The following CCDC191 variants were observed in gnomAD, a reference collection of about 807,000 sequenced individuals.
The protein encoded by CCDC191 is coiled-coil domain-containing protein 191.
In CCDC191, 99 loss-of-function variants were observed where a neutral mutation model predicts 114.0. That is an observed-to-expected ratio of 0.87 (90% CI 0.74 to 1.03). CCDC191 has a LOEUF of 1.03. Among genes scored for constraint, CCDC191 ranks in the 50% least tolerant of loss-of-function variants. CCDC191 has a pLI of 0.00. For synonymous variants in CCDC191, 351 were observed against 376.0 expected (o/e 0.93, Z 0.77); for missense variants, 973 against 1,087.0 (o/e 0.90, Z 1.47).
At chr3:114,027,615 A>G (rs1418169963) in intron 7 of CCDC191, among the ~76,000 whole-genome samples, 1 of 149,050 alleles carries the variant, frequency 6.7e-6, no homozygotes, top group African/African-American at 2.4e-5. Flanking sequence ...AAAAAAAAAA[A>G]AAAAAAAGAA....
intron 13 of CCDC191, among the ~76,000 whole-genome samples, chr3:113,989,731 A>G (rs2075493275): frequency 6.6e-6 from 1 of 152,174 alleles, no homozygotes; most frequent in Non-Finnish European, 1.5e-5. Context: ...CATGCCTGTA[A>G]TCTTACCACT....
intron 13 of CCDC191, among the ~76,000 whole-genome samples, chr3:113,991,727 T>G (rs1034098858): frequency 2.6e-5 from 4 of 152,170 alleles, no homozygotes; most frequent in Non-Finnish European, 5.9e-5. Context: ...GAAATAATAT[T>G]GCATTTATTA....
chr3:114,056,294 G>A, intron 1 of CCDC191, 83 bp downstream of exon 1: 2 of 1,322,404 alleles, frequency 1.5e-6, no homozygotes, highest in Non-Finnish European at 2.2e-6. Flanking sequence ...GAGGCAGGAA[G>A]CACAGACGGG....
chr3:113,975,964 G>C (rs1215378691), intron 16 of CCDC191, among the ~76,000 whole-genome samples: 2 of 152,006 alleles, frequency 1.3e-5, no homozygotes, highest in African/African-American at 4.8e-5. Flanking sequence ...CTATTTTATA[G>C]TCTAAAAATG....
intron 7 of CCDC191, among the ~76,000 whole-genome samples, chr3:114,019,796 A>G (rs2076218687): frequency 6.6e-6 from 1 of 152,080 alleles, no homozygotes; most frequent in Non-Finnish European, 1.5e-5. Flanking sequence ...CTGCCTAACT[A>G]CAGTAGTCAC....
intron 13 of CCDC191, among the ~76,000 whole-genome samples, chr3:113,987,102 T>A (rs2075388182): frequency 2.9e-5 from 4 of 139,798 alleles, no homozygotes; most frequent in Admixed American, 7.3e-5. Flanking sequence ...AAGAAAACAA[T>A]AGAGTAACAT....
At chr3:114,035,169 G>A in intron 5 of CCDC191, 21 bp from the exon 6 acceptor site, 1 of 1,562,752 alleles carries the variant, frequency 6.4e-7, no homozygotes, top group Non-Finnish European at 8.8e-7. Context: ...ATATAATAAA[G>A]ATGAAGTGTG....
chr3:114,019,103 C>A (rs2076208229), intron 7 of CCDC191, among the ~76,000 whole-genome samples: 1 of 152,182 alleles, frequency 6.6e-6, no homozygotes, highest in Non-Finnish European at 1.5e-5. Context: ...TAAAATACTT[C>A]ATTGTCATTG....
chr3:114,053,049 T>C (rs1342227377), intron 2 of CCDC191, among the ~76,000 whole-genome samples: 2 of 152,246 alleles, frequency 1.3e-5, no homozygotes, highest in African/African-American at 4.8e-5. Context: ...AGAGGTTATC[T>C]AACACAATCT....
Position 113,968,414 on chromosome 3 carries a change from G to T in CCDC191, c.2607-3055C>A, listed in dbSNP as rs1940432969. On this transcript the variant is annotated intron_variant, in intron 16 of 16. Transcript: ENST00000295878. ...TGAGCATTTTATCATACACTTTTTGGCCACTTGTATATCTTTTGAGAAATG... is the reference window on the plus strand; with the variant it reads ...TGAGCATTTTATCATACACTTTTTGTCCACTTGTATATCTTTTGAGAAATG... Among the ~76,000 whole-genome samples, 4 of 151,926 alleles carry T rather than the reference G, an allele frequency of 2.6e-5. No individual in the cohort carries two copies. The South Asian group carries it at 8.3e-4, about 32-fold the overall frequency.
At chr3:114,006,878 G>C (rs2075980867) in intron 9 of CCDC191, among the ~76,000 whole-genome samples, 1 of 151,684 alleles carries the variant, frequency 6.6e-6, no homozygotes. Context: ...CTAGCTAACC[G>C]TTTCCAGCTA....
rs1242482245 is a variant in CCDC191 at position 114,053,602 on chromosome 3, T to C, written c.124A>G (p.Ile42Val). 2 of 1,575,382 alleles carry C rather than the reference T, an allele frequency of 1.3e-6. No individual in the cohort carries two copies. The highest frequency in any genetic ancestry group is 2.7e-5 in the African/African-American group (2 of 73,962). ...TFGPDSVEHW[I>V]KRVEKASEFA... ...TAAATTTGAAATATCCTTACCTTTA[T>C]CCAGTGTTCCACACTGTCAGGACCA... Residue 42 changes from isoleucine to valine, a missense_variant, in exon 2 of 17, where the codon ATA becomes GTA. Physicochemically the swap from Ile to Val is conservative, Grantham distance 29 (BLOSUM62 3). Transcript: ENST00000295878.
At chr3:114,007,399 G>A (rs1006902902) in intron 9 of CCDC191, among the ~76,000 whole-genome samples, 35 of 152,166 alleles carry the variant, frequency 2.3e-4, no homozygotes, top group East Asian at 1.9e-4. Context: ...CAACTGAAAT[G>A]AAAGATGTGA....
In CCDC191 at chr3:113,978,170, A is replaced by G; in HGVS notation, c.2606+16T>C. ...TGAAGTCAGAGAGTGAATTTTCCTC[A>G]CTATCAAAACCTCACCTGTCACTGT... On this transcript the variant is annotated intron_variant, in intron 16 of 16. Transcript: ENST00000295878. 1 of 1,613,520 alleles carries G rather than the reference A, an allele frequency of 6.2e-7. No individual in the cohort carries two copies. The highest frequency in any genetic ancestry group is 2.2e-5 in the East Asian group (1 of 44,870).
At chr3:114,024,726 G>T (rs1325811955) in intron 7 of CCDC191, among the ~76,000 whole-genome samples, 1 of 152,156 alleles carries the variant, frequency 6.6e-6, no homozygotes, top group African/African-American at 2.4e-5. Flanking sequence ...AGGAGGGATA[G>T]CATTAGGAGA....
At position 114,046,616 on chromosome 3, in the gene CCDC191, C is replaced by G; in HGVS notation, c.246G>C (p.Glu82Asp). 1 of 1,600,878 alleles carries G rather than the reference C, an allele frequency of 6.2e-7. No homozygotes were observed. Among genetic ancestry groups the G allele is most frequent in the Non-Finnish European group, 8.6e-7 (1 of 1,168,256 alleles). ...ITDLKTSEQIEDHDEIYAEAQ... is the reference protein window; with the variant it reads ...ITDLKTSEQIDDHDEIYAEAQ... The stretch of plus-strand genomic sequence containing the variant: ...CTTCTGCATAGATTTCATCATGATC[C>G]TCTATTTGCTCAGATGTTTTCAAAT... Residue 82 changes from glutamate to aspartate, a missense_variant, in exon 3 of 17, where the codon GAG (glutamate) becomes GAC (aspartate). By Grantham distance (45) the Glu-to-Asp change is conservative. Transcript: ENST00000295878.
rs1424382899 is a variant in CCDC191, at chr3:113,978,256, A to T, written c.2536T>A (p.Phe846Ile). The change falls in exon 16 of 17, where the codon TTT (phenylalanine) becomes ATT (isoleucine). Residue 846 changes from phenylalanine (F) to isoleucine (I), a missense_variant. Phe to Ile is a conservative substitution (Grantham distance 21). Transcript: ENST00000295878. ...FLQKKIFRAW[F>I]NMVREVKIDS... is the part of the protein sequence containing the mutation. ...ATCTTCACCTCCCTGACCATGTTAA[A>T]CCAGGCCCTGAAAATCTTCTTTTGA... 1 of 1,613,892 alleles carries T rather than the reference A, an allele frequency of 6.2e-7. No homozygotes were observed. Among genetic ancestry groups the T allele is most frequent in the African/African-American group, 1.3e-5 (1 of 74,910 alleles).
chr3:114,043,211 C>A (rs1426095420), intron 3 of CCDC191, among the ~76,000 whole-genome samples: 1 of 152,074 alleles, frequency 6.6e-6, no homozygotes, highest in Non-Finnish European at 1.5e-5. Context: ...TTATTCTCTG[C>A]AGAGGGAAAG....
At chr3:114,041,170 G>T (rs1320409002) in intron 4 of CCDC191, among the ~76,000 whole-genome samples, 2 of 151,954 alleles carry the variant, frequency 1.3e-5, no homozygotes, top group African/African-American at 2.4e-5. Flanking sequence ...CCATATATTT[G>T]CTTCAGAACA....
Sources: allele counts gnomAD v4.1 joint callset (sites outside exome capture counted in the v4.1 genomes callset), GRCh38; gene constraint gnomAD v4.1.1; transcripts MANE v1.5; gene names NCBI Gene and HGNC (gene_info 2026-07-23, HGNC 2026-07-21).